Variants in COL22A1 observed in about 807,000 individuals in gnomAD.
COL22A1 encodes collagen type XXII alpha 1 chain.
COL22A1 carries 221 observed loss-of-function variants against 248.9 expected under a neutral mutation model. The ratio of observed to expected loss-of-function variants is 0.89; its 90% confidence interval spans 0.80 to 0.99. COL22A1 has a LOEUF of 0.99. Ranked by LOEUF, COL22A1 falls within the 50% of genes least tolerant of loss-of-function variation. The probability of loss-of-function intolerance (pLI) is 0.00; values close to 1 mark genes in which losing one functional copy is unlikely to be tolerated. For missense variants in COL22A1, 2,240 were observed against 2,179.0 expected, an observed-to-expected ratio of 1.03 and a Z score of -0.56; for synonymous variants, 891 against 793.4, an observed-to-expected ratio of 1.12 and a Z score of -2.07.
chr8:138,661,736 G>A (rs1048667623), intron 43 of COL22A1, among the ~76,000 whole-genome samples: 4 of 149,260 alleles, frequency 2.7e-5, no homozygotes, highest in African/African-American at 1.0e-4. Flanking sequence ...ACTGACTAGG[G>A]TATGTAAGAC....
intron 7 of COL22A1, 122 bp downstream of exon 7, chr8:138,821,014 G>A (rs1819070506): frequency 1.8e-6 from 2 of 1,107,400 alleles, no homozygotes; most frequent in African/African-American, 1.6e-5. Context: ...TTCTAAGACG[G>A]TCCAAGGTGA....
At chr8:138,677,514 G>GTAATTT (rs780683998) in intron 40 of COL22A1, among the ~76,000 whole-genome samples, 34,043 of 151,952 alleles carry the variant, frequency 0.22, 4,084 homozygotes, top group African/African-American at 0.32. Flanking sequence ...GCCGAGCCAC[G>GTAATTT]CCTTATTCGT....
intron 18 of COL22A1, among the ~76,000 whole-genome samples, chr8:138,756,854 C>T (rs1209046535): frequency 6.6e-6 from 1 of 152,168 alleles, no homozygotes; most frequent in East Asian, 1.9e-4. Flanking sequence ...CTGGAAAAAT[C>T]ACCTCACTTT....
At chr8:138,883,777 A>C (rs1365942205) in intron 1 of COL22A1, among the ~76,000 whole-genome samples, 1 of 152,098 alleles carries the variant, frequency 6.6e-6, no homozygotes, top group African/African-American at 2.4e-5. Flanking sequence ...CATAACTGTA[A>C]GTTCCCTGGG....
At chr8:138,763,522 G>A (rs1401701044) in intron 16 of COL22A1, among the ~76,000 whole-genome samples, 1 of 152,194 alleles carries the variant, frequency 6.6e-6, no homozygotes, top group East Asian at 1.9e-4. Flanking sequence ...CCCAGGTGCT[G>A]GTGTGTTCAA....
At chr8:138,898,168 C>A (rs28531929) in intron 1 of COL22A1, among the ~76,000 whole-genome samples, 1 of 151,906 alleles carries the variant, frequency 6.6e-6, no homozygotes, top group African/African-American at 2.4e-5. Context: ...CAGAGGGACA[C>A]ATTCAGTCTA....
In COL22A1 at chr8:138,635,015, G is replaced by A. The variant is rs1043789182; in HGVS notation, c.3604C>T (p.Pro1202Ser). 2 of 1,601,768 alleles carry A rather than the reference G, an allele frequency of 1.2e-6. No individual in the cohort carries two copies. The highest frequency in any genetic ancestry group is 1.7e-6 in the Non-Finnish European group (2 of 1,169,620). Residue 1202 changes from proline to serine, a missense_variant, in exon 49 of 65, where the codon CCA becomes TCA. Physicochemically the swap from Pro to Ser is moderately conservative, Grantham distance 74. Coordinates refer to ENST00000303045, the MANE Select transcript of COL22A1 (RefSeq NM_152888.3). Reference sequence around the variant, plus strand: ...GATTAAAGATGATTACTTACTGGTGGCCCAGGGTTCCCTGGGGGCCCCATG... The same window carrying A: ...GATTAAAGATGATTACTTACTGGTGACCCAGGGTTCCCTGGGGGCCCCATG... ...GFMGPPGNPG[P>S]PGADGIAGAA...
chr8:138,795,528 GACACAC>G lies in COL22A1; in HGVS notation c.1596+1285_1596+1290del, dbSNP rs6150850. Among the ~76,000 whole-genome samples, 5 of 144,780 alleles carry G rather than the reference GACACAC, an allele frequency of 3.5e-5. No homozygotes were observed. The South Asian group carries it at 8.9e-4, about 26-fold the overall frequency. 95.0% of individuals were successfully genotyped at this position (144,780 alleles called of 152,430 possible). A position where few individuals can be genotyped will look rare whatever the true frequency, so the allele number is the denominator to read the frequency against. On this transcript the variant is annotated intron_variant, in intron 12 of 64. Coordinates refer to ENST00000303045, the MANE Select transcript of COL22A1 (RefSeq NM_152888.3). The stretch of plus-strand genomic sequence containing the variant: ...CTCTGTCTCTCCTCTCTCTCTTTCA[GACACAC>G]ACACACACACACACACACACACAGA...
chr8:138,589,514 C>A (rs1222081272), intron 64 of COL22A1, 74 bp from the exon 65 acceptor site: 3 of 1,213,488 alleles, frequency 2.5e-6, no homozygotes, highest in Non-Finnish European at 3.3e-6. Context: ...GAACTCACAG[C>A]TTCCATTCAC....
rs181501970 is a variant in COL22A1, at chr8:138,632,044, A to G, written c.3610-1296T>C. ...AGGCAGCAGTTCTTTAGACAAATTC[A>G]CACATGTGCCTCTTACTAGCTTTGG... is the stretch of plus-strand genomic sequence containing the variant. On this transcript the variant is annotated intron_variant, in intron 49 of 64. Transcript: ENST00000303045. 4.6e-5 allele frequency among the ~76,000 whole-genome samples: 7 copies of G among 152,346 alleles called. No individual in the cohort carries two copies. The East Asian group carries it at 5.8e-4, about 13-fold the overall frequency.
intron 14 of COL22A1, 58 bp downstream of exon 14, chr8:138,779,451 T>G: frequency 1.6e-6 from 2 of 1,253,794 alleles, no homozygotes; most frequent in Non-Finnish European, 2.3e-6. Flanking sequence ...CAACTGGCTT[T>G]GCACTGGGCC....
At chr8:138,691,986 G>T (rs1827015197) in intron 35 of COL22A1, among the ~76,000 whole-genome samples, 1 of 140,432 alleles carries the variant, frequency 7.1e-6, no homozygotes, top group African/African-American at 2.6e-5. Context: ...GTGTGTGTAT[G>T]TGTGCACGTG....
intron 12 of COL22A1, among the ~76,000 whole-genome samples, chr8:138,791,572 G>A (rs1231521982): frequency 6.6e-6 from 1 of 152,190 alleles, no homozygotes; most frequent in Non-Finnish European, 1.5e-5. Flanking sequence ...TTGGTAATTA[G>A]CTTCTTATTT....
At chr8:138,633,039 G>T (rs7462154) in intron 49 of COL22A1, among the ~76,000 whole-genome samples, 17 of 152,222 alleles carry the variant, frequency 1.1e-4, no homozygotes, top group African/African-American at 4.1e-4. Context: ...TTGTCAGCTC[G>T]CTACCCATAT....
chr8:138,859,836 T>G (rs1822319491), intron 3 of COL22A1, among the ~76,000 whole-genome samples: 1 of 152,198 alleles, frequency 6.6e-6, no homozygotes, highest in African/African-American at 2.4e-5. Flanking sequence ...CGCTGCATCC[T>G]GGGCTCTGCT....
intron 6 of COL22A1, among the ~76,000 whole-genome samples, chr8:138,824,787 C>T (rs942849027): frequency 6.6e-6 from 1 of 152,202 alleles, no homozygotes; most frequent in Non-Finnish European, 1.5e-5. Context: ...GCCAGTATTT[C>T]CCCAGGGCGT....
At chr8:138,907,494 T>C (rs940710032) in intron 1 of COL22A1, among the ~76,000 whole-genome samples, 16 of 152,234 alleles carry the variant, frequency 1.1e-4, no homozygotes, top group African/African-American at 3.9e-4. Context: ...GAATGGCTGA[T>C]CAAATTTGTT....
chr8:138,632,840 G>C (rs1285832223), intron 49 of COL22A1, among the ~76,000 whole-genome samples: 1 of 152,124 alleles, frequency 6.6e-6, no homozygotes, highest in African/African-American at 2.4e-5. Context: ...TAAATATGTA[G>C]TCCAAAGCTA....
intron 16 of COL22A1, among the ~76,000 whole-genome samples, chr8:138,764,745 G>A (rs1460663667): frequency 6.6e-6 from 1 of 152,144 alleles, no homozygotes; most frequent in Non-Finnish European, 1.5e-5. Context: ...AATCACCTGA[G>A]GTCAGGAGTT....
Sources: gnomAD v4.1 joint callset for allele counts (sites outside exome capture counted in the v4.1 genomes callset) on GRCh38, gnomAD v4.1.1 for gene constraint, MANE v1.5 for transcripts, NCBI Gene and HGNC (gene_info 2026-07-23, HGNC 2026-07-21) for gene names.